The following RNF212 variants were observed in gnomAD, a reference collection of about 807,000 sequenced individuals.
The protein encoded by RNF212 is probable E3 SUMO-protein ligase RNF212.
Under a neutral mutation model 34.7 loss-of-function variants are expected in RNF212, and 33 were observed. The observed-to-expected ratio is 0.95, with a 90% CI of 0.72 to 1.27. RNF212 has a LOEUF of 1.27. Among genes scored for constraint, RNF212 ranks in the 50% most tolerant of loss-of-function variants. The pLI is 0.00. For synonymous variants in RNF212, 140 were observed against 136.1 expected (o/e 1.03, Z -0.20); for missense variants, 377 against 362.2 (o/e 1.04, Z -0.33).
At chr4:1,110,067 A>T (rs930543585) in intron 1 of RNF212, among the ~76,000 whole-genome samples, 1 of 152,230 alleles carries the variant, frequency 6.6e-6, no homozygotes, top group South Asian at 2.1e-4. Flanking sequence ...GGAGTCATGC[A>T]GTAAAAGATT....
At chr4:1,062,738 G>C (rs1487720455) in intron 3 of RNF212, among the ~76,000 whole-genome samples, 1 of 152,104 alleles carries the variant, frequency 6.6e-6, no homozygotes, top group African/African-American at 2.4e-5. Flanking sequence ...TAAATAAAAG[G>C]CATCGTGGTT....
At chr4:1,056,538 C>A in intron 4 of RNF212, 1 of 967,440 alleles carries the variant, frequency 1.0e-6, no homozygotes, top group Non-Finnish European at 1.2e-6. Context: ...ATGTTACATA[C>A]AAAAAATAAG....
At chr4:1,085,605 C>A (rs1721036578) in intron 5 of RNF212, 5 of 514,046 alleles carry the variant, frequency 9.7e-6, no homozygotes, top group Non-Finnish European at 1.7e-5. Flanking sequence ...CTCTGAGAGG[C>A]CGGGGGCACC....
At chr4:1,063,568 G>A (rs1342482931) in intron 3 of RNF212, among the ~76,000 whole-genome samples, 1 of 151,976 alleles carries the variant, frequency 6.6e-6, no homozygotes, top group East Asian at 1.9e-4. Flanking sequence ...AGGTGTGGTG[G>A]TGCGCACCTG....
At chr4:1,106,477 C>T (rs965507194) in intron 2 of RNF212, among the ~76,000 whole-genome samples, 2 of 152,124 alleles carry the variant, frequency 1.3e-5, no homozygotes, top group Non-Finnish European at 2.9e-5. Context: ...AAGCTAACCA[C>T]TTAGAAACTA....
downstream of RNF212, among the ~76,000 whole-genome samples, chr4:1,070,757 C>G (rs1388706134): frequency 6.6e-6 from 1 of 152,186 alleles, no homozygotes; most frequent in African/African-American, 2.4e-5. Context: ...TTTAGCGATG[C>G]TAGGGCACCA....
At position 1,058,621 on chromosome 4, in the gene RNF212, C is replaced by T. The variant is rs574272447; in HGVS notation, n.148-228G>A. On this transcript the variant is annotated intron_variant and non_coding_transcript_variant, in intron 3 of 4. Coordinates refer to the RNF212 transcript ENST00000503206. ...AAGCCCTGGGTCTTCCACATGAGGG[C>T]GTAAATATCCTACATTTTAATCTTT... Among the ~76,000 whole-genome samples the T allele has an allele frequency of 4.6e-5, 7 of 152,306 alleles. No individual in the cohort carries two copies. The East Asian group carries it at 5.8e-4, about 13-fold the overall frequency.
intron 2 of RNF212, chr4:1,099,916 A>C (rs1308403619): frequency 2.2e-6 from 1 of 455,328 alleles, no homozygotes. Flanking sequence ...TGTCAGACAC[A>C]GGAAAGGGGC....
At chr4:1,071,044 T>C (rs191537290), downstream of RNF212, among the ~76,000 whole-genome samples, 29 of 152,096 alleles carry the variant, frequency 1.9e-4, no homozygotes, top group Admixed American at 1.6e-3. Flanking sequence ...CTAATTTTTT[T>C]AAATACTGTT....
chr4:1,105,470 G>C (rs984019024), intron 2 of RNF212, among the ~76,000 whole-genome samples: 1 of 152,248 alleles, frequency 6.6e-6, no homozygotes, highest in Non-Finnish European at 1.5e-5. Flanking sequence ...AGATATCTCA[G>C]GTGGTGACAC....
intron 3 of RNF212, chr4:1,094,013 T>C (rs1722643435): frequency 6.5e-7 from 1 of 1,532,124 alleles, no homozygotes; most frequent in Non-Finnish European, 8.7e-7. Context: ...AAGCCTGAGA[T>C]ACTGTGGGTG....
Position 1,073,570 on chromosome 4 carries a change from G to A in RNF212, c.574+29C>T, listed in dbSNP as rs193102813. On this transcript the variant is annotated intron_variant, in intron 9 of 9. Transcript: ENST00000433731. Reference sequence around the variant, plus strand: ...ATGCATTTTAATCGATGCATGTATCGGTCTGAGGTTACAGGACATTTTACT... The same window carrying A: ...ATGCATTTTAATCGATGCATGTATCAGTCTGAGGTTACAGGACATTTTACT... 59 of 1,466,080 alleles carry A rather than the reference G, an allele frequency of 4.0e-5. 1 individual carries two copies. The South Asian group carries it at 5.5e-4, about 14-fold the overall frequency. 90.8% of individuals were successfully genotyped at this position (1,466,080 alleles called of 1,614,324 possible).
chr4:1,074,631 G>A (rs1718980125), intron 8 of RNF212, among the ~76,000 whole-genome samples: 1 of 152,086 alleles, frequency 6.6e-6, no homozygotes, highest in Non-Finnish European at 1.5e-5. Flanking sequence ...CTCTAACCTT[G>A]GAAGGACGGA....
intron 4 of RNF212, chr4:1,056,643 A>G (rs1717345407): frequency 2.3e-6 from 1 of 442,876 alleles, no homozygotes; most frequent in Admixed American, 6.4e-5. Context: ...TTTAAGTCAT[A>G]ATTTTCGAAA....
chr4:1,084,521 GGAGTCCAA>G (rs1362084102), intron 5 of RNF212, among the ~76,000 whole-genome samples: 11 of 151,966 alleles, frequency 7.2e-5, no homozygotes, highest in Non-Finnish European at 1.5e-5. Context: ...CTTGAGCTCA[GGAGTCCAA>G]GACTAGCCTG....
chr4:1,064,752 T>C (rs1332496067), intron 3 of RNF212, among the ~76,000 whole-genome samples: 2 of 152,210 alleles, frequency 1.3e-5, no homozygotes, highest in Admixed American at 1.3e-4. Flanking sequence ...TCTATAACTG[T>C]TTTCATTTTG....
In RNF212 at chr4:1,072,852, T is replaced by C; in HGVS notation, c.*22A>G. The C allele has an allele frequency of 6.4e-7, 1 of 1,556,670 alleles. No homozygotes were observed. The highest frequency in any genetic ancestry group is 8.7e-7 in the Non-Finnish European group (1 of 1,148,436). On this transcript the variant is annotated 3_prime_UTR_variant, in exon 10 of 10. Coordinates refer to ENST00000433731, the MANE Select transcript of RNF212 (RefSeq NM_001131034.4). ...AATAAATTGAAAACACTCAGAATCA[T>C]TAATAGTCACATAAATGCAAATCAA... is the stretch of plus-strand genomic sequence containing the variant.
At chr4:1,067,906 CT>C (rs1560093237), downstream of RNF212, among the ~76,000 whole-genome samples, 2 of 150,718 alleles carry the variant, frequency 1.3e-5, no homozygotes, top group African/African-American at 4.9e-5. Context: ...AAGTGTAAGT[CT>C]ATCAAGAAAG....
Position 1,084,596 on chromosome 4 carries a change from G to T in RNF212, c.362+1300C>A, listed in dbSNP as rs144215622. ...AATAAAAAAATTAGCTGTGTGTGGT[G>T]GTGCGTGCCTGTGGTCCCAGCTACT... is the stretch of plus-strand genomic sequence containing the variant. On this transcript the variant is annotated intron_variant, in intron 5 of 9. Transcript: ENST00000433731. Among the ~76,000 whole-genome samples, 250 of 152,032 alleles carry T rather than the reference G, an allele frequency of 1.6e-3. 6 individuals are homozygous for T. The South Asian group carries it at 0.044, about 27-fold the overall frequency.
Sources: allele counts gnomAD v4.1 joint callset (sites outside exome capture counted in the v4.1 genomes callset), GRCh38; gene constraint gnomAD v4.1.1; transcripts MANE v1.5; gene names NCBI Gene and HGNC (gene_info 2026-07-23, HGNC 2026-07-21).